Variants in CAPN13 observed in about 807,000 individuals in gnomAD.
The protein encoded by CAPN13 is calpain 13.
Under a neutral mutation model 98.4 loss-of-function variants are expected in CAPN13, and 90 were observed. The ratio of observed to expected loss-of-function variants is 0.92; its 90% CI spans 0.77 to 1.09. The LOEUF (loss-of-function observed/expected upper bound fraction) is 1.09. CAPN13 is among the 50% of genes least tolerant of loss of function. CAPN13 has a pLI of 0.00. For synonymous variants in CAPN13, 330 were observed against 305.5 expected, an observed-to-expected ratio of 1.08 and a Z score of -0.84; for missense variants, 887 against 841.3, an observed-to-expected ratio of 1.05 and a Z score of -0.67.
chr2:30,764,566 G>T (rs1673017511), intron 5 of CAPN13, among the ~76,000 whole-genome samples: 1 of 152,174 alleles, frequency 6.6e-6, no homozygotes, highest in African/African-American at 2.4e-5. Flanking sequence ...CTGACGAGAG[G>T]CTGGGAGTGC....
chr2:30,734,030 A>G (rs1671228378), intron 19 of CAPN13, among the ~76,000 whole-genome samples: 1 of 152,182 alleles, frequency 6.6e-6, no homozygotes, highest in Non-Finnish European at 1.5e-5. Flanking sequence ...GACAGATGCC[A>G]TTTGATTTAA....
At chr2:30,754,894 C>A (rs1672366717) in intron 8 of CAPN13, among the ~76,000 whole-genome samples, 1 of 152,186 alleles carries the variant, frequency 6.6e-6, no homozygotes, top group South Asian at 2.1e-4. Context: ...CCCATCCGTT[C>A]CCACACTGCC....
chr2:30,745,692 G>C, intron 12 of CAPN13, 31 bp downstream of exon 12: 1 of 1,596,008 alleles, frequency 6.3e-7, no homozygotes, highest in South Asian at 1.1e-5. Context: ...CAGCAGCAGA[G>C]GCGCAGGGCA....
At chr2:30,770,036 A>G (rs1269826535) in intron 5 of CAPN13, among the ~76,000 whole-genome samples, 3 of 152,170 alleles carry the variant, frequency 2.0e-5, no homozygotes, top group Non-Finnish European at 4.4e-5. Context: ...TGACCGTGAT[A>G]TTATTAAATA....
chr2:30,801,721 G>A (rs1334482629), intron 1 of CAPN13, among the ~76,000 whole-genome samples: 2 of 151,952 alleles, frequency 1.3e-5, no homozygotes, highest in East Asian at 1.9e-4. Flanking sequence ...CTGGCTGGGC[G>A]ACAGAAAGGG....
chr2:30,734,678 T>A (rs927905460), intron 18 of CAPN13, among the ~76,000 whole-genome samples, 154 bp from the exon 19 acceptor site: 4 of 152,164 alleles, frequency 2.6e-5, no homozygotes, highest in African/African-American at 7.2e-5. Context: ...CCTGGTGAAC[T>A]GACCATCCTG....
At chr2:30,739,929 A>G (rs1043274696) in intron 15 of CAPN13, among the ~76,000 whole-genome samples, 1 of 152,106 alleles carries the variant, frequency 6.6e-6, no homozygotes, top group Non-Finnish European at 1.5e-5. Flanking sequence ...TGTCCGGATG[A>G]TGGGTAAATG....
At chr2:30,747,403 AC>A (rs758119618) in intron 11 of CAPN13, among the ~76,000 whole-genome samples, 1 of 152,140 alleles carries the variant, frequency 6.6e-6, no homozygotes, top group Non-Finnish European at 1.5e-5. Flanking sequence ...CATTGTTGAC[AC>A]TGGGCCCCAC....
intron 22 of CAPN13, among the ~76,000 whole-genome samples, chr2:30,723,455 T>A (rs1021311069): frequency 6.6e-6 from 1 of 152,186 alleles, no homozygotes; most frequent in South Asian, 2.1e-4. Context: ...TCAAAATTCC[T>A]TAAAGGGCAC....
At chr2:30,739,084 G>C (rs962610432) in intron 15 of CAPN13, among the ~76,000 whole-genome samples, 3 of 152,154 alleles carry the variant, frequency 2.0e-5, no homozygotes, top group Non-Finnish European at 2.9e-5. Flanking sequence ...ACTCTTCCTG[G>C]CCTCAACTTC....
intron 5 of CAPN13, among the ~76,000 whole-genome samples, chr2:30,768,706 C>A (rs1673234575): frequency 6.6e-6 from 1 of 151,038 alleles, no homozygotes; most frequent in Non-Finnish European, 1.5e-5. Context: ...TCCTTCCTTC[C>A]TTTTATCCAC....
intron 18 of CAPN13, among the ~76,000 whole-genome samples, chr2:30,735,590 G>A (rs1405511527): frequency 1.3e-5 from 2 of 152,138 alleles, no homozygotes; most frequent in Non-Finnish European, 1.5e-5. Flanking sequence ...TGGATATGAG[G>A]GACCCTTGCC....
At chr2:30,770,194 T>A (rs1673326745) in intron 5 of CAPN13, 119 bp downstream of exon 5, 1 of 1,367,770 alleles carries the variant, frequency 7.3e-7, no homozygotes. Flanking sequence ...GGTGATTGTT[T>A]ATGGAGATGC....
intron 1 of CAPN13, among the ~76,000 whole-genome samples, chr2:30,797,096 G>A (rs1229379803): frequency 6.6e-6 from 1 of 152,154 alleles, no homozygotes; most frequent in East Asian, 1.9e-4. Context: ...AGGAAGCCTG[G>A]AAACCCCTTC....
intron 17 of CAPN13, 78 bp from the exon 18 acceptor site, chr2:30,736,649 A>G: frequency 7.5e-7 from 1 of 1,328,078 alleles, no homozygotes; most frequent in Non-Finnish European, 1.1e-6. Flanking sequence ...AAGCCAGAGC[A>G]GGCCCATTCA....
chr2:30,732,275 G>A (rs1439494224), intron 20 of CAPN13, among the ~76,000 whole-genome samples, 163 bp downstream of exon 20: 1 of 152,128 alleles, frequency 6.6e-6, no homozygotes, highest in Admixed American at 6.5e-5. Flanking sequence ...GGAGGGAGCT[G>A]GTCACACCAT....
At chr2:30,726,704 T>C (rs1053042862) in intron 22 of CAPN13, among the ~76,000 whole-genome samples, 12 of 152,204 alleles carry the variant, frequency 7.9e-5, no homozygotes, top group Admixed American at 2.6e-4. Flanking sequence ...TAAATCATTG[T>C]TCAAAAAAAT....
chr2:30,744,907 T>C, intron 12 of CAPN13, among the ~76,000 whole-genome samples: 1 of 152,212 alleles, frequency 6.6e-6, no homozygotes, highest in Non-Finnish European at 1.5e-5. Flanking sequence ...TCCTTGCACC[T>C]GAGTGCTTCT....
chr2:30,738,442 C>T lies in CAPN13; in HGVS notation c.1552G>A (p.Ala518Thr). The part of the protein sequence containing the change: ...RYAQQRLDID[A>T]TQLQGLLNQE... ...TTGAGAAGGCCCTGAAGCTGGGTGGCATCAATGTCCAGCCTCTGATCCAAA... is the reference window on the plus strand; with the variant it reads ...TTGAGAAGGCCCTGAAGCTGGGTGGTATCAATGTCCAGCCTCTGATCCAAA... The change falls in exon 16 of 23, where the codon GCC becomes ACC. Residue 518 changes from alanine (A) to threonine (T), a missense_variant. Ala to Thr is a moderately conservative substitution (Grantham distance 58, BLOSUM62 0). Transcript: ENST00000295055. 2 of 1,604,742 alleles carry T rather than the reference C, an allele frequency of 1.2e-6. No individual in the cohort carries two copies. Among genetic ancestry groups the T allele is most frequent in the Non-Finnish European group, 8.5e-7 (1 of 1,175,352 alleles).
Sources: allele counts gnomAD v4.1 joint callset (sites outside exome capture counted in the v4.1 genomes callset), GRCh38; gene constraint gnomAD v4.1.1; transcripts MANE v1.5; gene names NCBI Gene and HGNC (gene_info 2026-07-23, HGNC 2026-07-21).